NXN: variants seen among roughly 807,000 people sequenced by gnomAD.
NXN encodes nucleoredoxin 1.
Under a neutral mutation model 48.6 loss-of-function variants are expected in NXN, and 16 were observed. The ratio of observed to expected loss-of-function variants is 0.33; its 90% CI spans 0.22 to 0.50. NXN has a LOEUF of 0.50. NXN is among the 20% of genes least tolerant of loss of function. NXN has a pLI of 0.98. For missense variants in NXN, 492 were observed against 605.5 expected (o/e 0.81, Z 1.97); for synonymous variants, 281 against 269.6 (o/e 1.04, Z -0.41).
intron 1 of NXN, among the ~76,000 whole-genome samples, chr17:838,126 CTTTTTTTTTT>C (rs66721481): frequency 4.0e-5 from 4 of 99,188 alleles, no homozygotes; most frequent in Non-Finnish European, 5.6e-5. Context: ...TCCTTTCCTT[CTTTTTTTTTT>C]TTTTTTTTTT....
chr17:803,230 C>G (rs1597606973), intron 7 of NXN, among the ~76,000 whole-genome samples: 1 of 152,212 alleles, frequency 6.6e-6, no homozygotes, highest in Non-Finnish European at 1.5e-5. Flanking sequence ...TTTCCAACCT[C>G]AGCACTCACC....
At chr17:875,059 T>G (rs1232752379) in intron 1 of NXN, among the ~76,000 whole-genome samples, 1 of 151,182 alleles carries the variant, frequency 6.6e-6, no homozygotes, top group Admixed American at 6.6e-5. Context: ...TGAGACAGAG[T>G]CTTACTCTGT....
chr17:909,221 C>T (rs72812037), intron 1 of NXN, among the ~76,000 whole-genome samples: 4,285 of 149,586 alleles, frequency 0.029, 92 homozygotes, highest in Non-Finnish European at 0.044. Flanking sequence ...AAACAAGAAA[C>T]ATCTTGGGTT....
At chr17:818,224 G>A (rs946010902) in intron 5 of NXN, among the ~76,000 whole-genome samples, 2 of 152,072 alleles carry the variant, frequency 1.3e-5, no homozygotes, top group African/African-American at 2.4e-5. Context: ...TCACGCCACT[G>A]CACTCCAGCC....
chr17:807,014 G>C (rs139297096), intron 5 of NXN, among the ~76,000 whole-genome samples: 1,851 of 152,304 alleles, frequency 0.012, 22 homozygotes, highest in South Asian at 0.042. Context: ...AGCGTGGACA[G>C]TGCCCGAGGA....
rs909755693 is a variant in NXN at position 820,982 on chromosome 17, TGAGACGGGAGCTGTGGCATGGCA to T, written c.713+1352_713+1374del. 7.2e-5 allele frequency among the ~76,000 whole-genome samples: 5 copies of T among 69,896 alleles called. 2 individuals are homozygous for T. The highest frequency in any genetic ancestry group is 1.8e-4 in the African/African-American group (2 of 11,310). The allele number at this position is 69,896 out of a possible 152,430, so 45.9% of individuals were successfully genotyped here. A position where few individuals can be genotyped will look rare whatever the true frequency, so the allele number is the denominator to read the frequency against. ...TGCTGCACCTGGCACGGCTTCACGC[TGAGACGGGAGCTGTGGCATGGCA>T]GAGACGGGAGCTGTGGCATGGCAGA... On this transcript the variant is annotated intron_variant, in intron 4 of 7. Coordinates refer to ENST00000336868, the MANE Select transcript of NXN (RefSeq NM_022463.5).
chr17:833,041 C>T (rs73287697), intron 1 of NXN, among the ~76,000 whole-genome samples: 11,357 of 152,128 alleles, frequency 0.075, 558 homozygotes, highest in African/African-American at 0.14. Flanking sequence ...CAGGCACCTG[C>T]CACCACGCCC....
chr17:830,283 C>T lies in NXN; in HGVS notation c.361-4205G>A, dbSNP rs955722695. Among the ~76,000 whole-genome samples, 2 of 152,168 alleles carry T rather than the reference C, an allele frequency of 1.3e-5. No homozygotes were observed. Among genetic ancestry groups the T allele is most frequent in the Non-Finnish European group, 2.9e-5 (2 of 68,030 alleles). On this transcript the variant is annotated intron_variant, in intron 1 of 7. Coordinates refer to ENST00000336868, the MANE Select transcript of NXN (RefSeq NM_022463.5). The surrounding 1 kb of genome is among the most constrained non-coding windows in gnomAD (Gnocchi z 4.2). ...CAGTTAAGAGCAGATGAGGCTGCTACCCTCGTGGGGCTCCTCCTCCAGTGG... is the reference window on the plus strand; with the variant it reads ...CAGTTAAGAGCAGATGAGGCTGCTATCCTCGTGGGGCTCCTCCTCCAGTGG...
chr17:950,600 G>A (rs2069098524), intron 1 of NXN, among the ~76,000 whole-genome samples: 1 of 152,066 alleles, frequency 6.6e-6, no homozygotes, highest in South Asian at 2.1e-4. Context: ...GGCCAGCACA[G>A]TCATTTCATC....
chr17:950,411 G>A (rs144726747), intron 1 of NXN, among the ~76,000 whole-genome samples: 40 of 152,130 alleles, frequency 2.6e-4, no homozygotes, highest in African/African-American at 9.1e-4. Flanking sequence ...TTATTTTTAA[G>A]ATCTTATCCA....
chr17:823,624 A>G lies in NXN; in HGVS notation c.612+8T>C, dbSNP rs767969154. On this transcript the variant is annotated splice_region_variant and intron_variant, in intron 3 of 7. Transcript: ENST00000336868. ...TCTGTCTGAGCCAAAGGGGGTCCAAACACTCACCCAATGTGCGGAGAAATA... is the reference window on the plus strand; with the variant it reads ...TCTGTCTGAGCCAAAGGGGGTCCAAGCACTCACCCAATGTGCGGAGAAATA... The G allele has an allele frequency of 7.4e-6, 12 of 1,613,802 alleles. No individual in the cohort carries two copies. Among genetic ancestry groups the G allele is most frequent in the Non-Finnish European group, 8.5e-6 (10 of 1,179,924 alleles).
At chr17:863,726 G>C (rs565266664) in intron 1 of NXN, among the ~76,000 whole-genome samples, 6 of 152,298 alleles carry the variant, frequency 3.9e-5, no homozygotes, top group Non-Finnish European at 8.8e-5. Flanking sequence ...ACCTCCCATA[G>C]TGGTGGGATT....
intron 1 of NXN, among the ~76,000 whole-genome samples, chr17:858,196 T>G (rs1178471410): frequency 6.6e-6 from 1 of 151,968 alleles, no homozygotes; most frequent in Non-Finnish European, 1.5e-5. Context: ...TTTGTATTTT[T>G]TCTATAGAGA....
At position 803,663 on chromosome 17, in the gene NXN, G is replaced by C; in HGVS notation, c.1125+19C>G. ...CCCAGCTGAGCCAGCCCTGGGCCAAGCCTCTCCTCCGCACTCACCTCCCCG... is the reference window on the plus strand; with the variant it reads ...CCCAGCTGAGCCAGCCCTGGGCCAACCCTCTCCTCCGCACTCACCTCCCCG... On this transcript the variant is annotated intron_variant, in intron 7 of 7. Transcript: ENST00000336868. The C allele has an allele frequency of 6.2e-7, 1 of 1,613,958 alleles. No individual in the cohort carries two copies. The highest frequency in any genetic ancestry group is 8.5e-7 in the Non-Finnish European group (1 of 1,179,958).
intron 1 of NXN, among the ~76,000 whole-genome samples, chr17:863,190 A>C (rs2068058863): frequency 6.6e-6 from 1 of 151,908 alleles, no homozygotes; most frequent in Admixed American, 6.6e-5. Context: ...TGTTTTTTTG[A>C]GACAGAGTCT....
intron 5 of NXN, among the ~76,000 whole-genome samples, chr17:806,141 CGCT>C: frequency 6.7e-6 from 1 of 150,040 alleles, no homozygotes; most frequent in African/African-American, 2.5e-5. Context: ...CAGCCCTCCC[CGCT>C]CCCCAGGGCT....
At chr17:907,639 T>C (rs372044556) in intron 1 of NXN, 1 of 44,174 alleles carries the variant, frequency 2.3e-5, no homozygotes, top group African/African-American at 6.6e-5. Flanking sequence ...CTGTGCCTGG[T>C]CTGAAATACA....
intron 1 of NXN, among the ~76,000 whole-genome samples, chr17:945,430 C>T (rs1479757555): frequency 6.6e-6 from 1 of 151,582 alleles, no homozygotes; most frequent in East Asian, 2.0e-4. Context: ...AGAGTTTCCC[C>T]CATCCTGGCT....
chr17:835,692 G>A (rs1179954838), intron 1 of NXN, among the ~76,000 whole-genome samples: 6 of 139,798 alleles, frequency 4.3e-5, no homozygotes, highest in East Asian at 3.9e-4. Context: ...CTGAAACACC[G>A]GTGGGATTCG....
Sources: gnomAD v4.1 joint callset for allele counts (sites outside exome capture counted in the v4.1 genomes callset) on GRCh38, gnomAD v4.1.1 for gene constraint, Gnocchi (gnomAD v3.1) non-coding constraint, MANE v1.5 for transcripts, NCBI Gene and HGNC (gene_info 2026-07-23, HGNC 2026-07-21) for gene names.